HSF2BP: variants seen among roughly 807,000 people sequenced by gnomAD.
HSF2BP encodes heat shock factor 2-binding protein.
Under a neutral mutation model 35.0 loss-of-function variants are expected in HSF2BP, and 35 were observed. The ratio of observed to expected loss-of-function variants is 1.00; its 90% CI spans 0.76 to 1.32. The LOEUF (loss-of-function observed/expected upper bound fraction) is 1.32, where lower values mean the gene tolerates loss of function less well. Ranked by LOEUF, HSF2BP falls within the 40% of genes most tolerant of loss-of-function variation. The probability of loss-of-function intolerance (pLI) is 0.00; values close to 1 mark genes in which losing one functional copy is unlikely to be tolerated. For synonymous variants in HSF2BP, 114 were observed against 117.4 expected, an observed-to-expected ratio of 0.97 and a Z score of 0.18; for missense variants, 326 against 321.7, an observed-to-expected ratio of 1.01 and a Z score of -0.10.
chr21:43,648,712 A>T (rs373148748), intron 3 of HSF2BP, among the ~76,000 whole-genome samples: 35 of 152,284 alleles, frequency 2.3e-4, no homozygotes, highest in African/African-American at 7.9e-4. Context: ...TCAAGTTCTT[A>T]TTTCTACAGA....
Position 43,644,395 on chromosome 21 carries a change from AG to A in HSF2BP, c.188-4del. 6.2e-7 allele frequency: 1 copy of A among 1,609,100 alleles called. No individual in the cohort carries two copies. The highest frequency in any genetic ancestry group is 1.3e-5 in the African/African-American group (1 of 74,958). Reference sequence around the variant, plus strand: ...TTCTTGCTCTTTCCTTTCCAGGTCTAGGAGAAAGACATAAAATTACTCAAGA... The same window carrying A: ...TTCTTGCTCTTTCCTTTCCAGGTCTAGAGAAAGACATAAAATTACTCAAGA... On this transcript the variant is annotated splice_polypyrimidine_tract_variant and splice_region_variant and intron_variant, in intron 3 of 8. Transcript: ENST00000291560.
intron 3 of HSF2BP, among the ~76,000 whole-genome samples, chr21:43,649,098 A>G (rs910235638): frequency 2.6e-5 from 4 of 152,046 alleles, no homozygotes; most frequent in African/African-American, 7.2e-5. Context: ...TCTGTTGCCC[A>G]GGCTGGAGTG....
At chr21:43,588,767 A>C (rs1162522162) in intron 8 of HSF2BP, among the ~76,000 whole-genome samples, 1 of 152,180 alleles carries the variant, frequency 6.6e-6, no homozygotes, top group Admixed American at 6.5e-5. Flanking sequence ...GGCCCGTAAC[A>C]ACCAGCCTGA....
chr21:43,535,746 A>AAAT (rs1416131948), intron 8 of HSF2BP, among the ~76,000 whole-genome samples: 1 of 4,670 alleles, frequency 2.1e-4, no homozygotes, highest in Non-Finnish European at 4.0e-4. Flanking sequence ...AAATAAAATA[A>AAAT]AATAAAATAA....
At chr21:43,616,506 C>T (rs755118011) in intron 6 of HSF2BP, among the ~76,000 whole-genome samples, 4 of 152,076 alleles carry the variant, frequency 2.6e-5, no homozygotes, top group South Asian at 4.1e-4. Flanking sequence ...AGCCAGGCGT[C>T]GTGGCTTACA....
At chr21:43,573,990 C>T (rs1048604034) in intron 8 of HSF2BP, among the ~76,000 whole-genome samples, 4 of 152,154 alleles carry the variant, frequency 2.6e-5, no homozygotes, top group Non-Finnish European at 4.4e-5. Flanking sequence ...AAGACAGCCT[C>T]GAGGCCAAGC....
At chr21:43,612,478 C>T (rs908027492) in intron 7 of HSF2BP, among the ~76,000 whole-genome samples, 6 of 151,970 alleles carry the variant, frequency 3.9e-5, no homozygotes, top group African/African-American at 7.3e-5. Context: ...GGTGAAACCC[C>T]GTCTCTACTA....
chr21:43,656,945 A>T (rs990437724), intron 2 of HSF2BP, among the ~76,000 whole-genome samples: 2 of 152,242 alleles, frequency 1.3e-5, no homozygotes, highest in East Asian at 1.9e-4. Context: ...AGGGAGCCAG[A>T]TGTTAAAAAT....
intron 8 of HSF2BP, among the ~76,000 whole-genome samples, chr21:43,575,174 A>T (rs1186093299): frequency 6.6e-6 from 1 of 152,240 alleles, no homozygotes; most frequent in African/African-American, 2.4e-5. Flanking sequence ...CAGGATATTT[A>T]TATCACAGTT....
At chr21:43,606,348 T>C (rs1006708685) in intron 7 of HSF2BP, among the ~76,000 whole-genome samples, 12 of 152,046 alleles carry the variant, frequency 7.9e-5, no homozygotes, top group African/African-American at 2.7e-4. Context: ...TGATCCAAGG[T>C]TGAAAGCATC....
intron 3 of HSF2BP, among the ~76,000 whole-genome samples, chr21:43,645,897 GAAGA>G (rs759985207): frequency 6.6e-5 from 10 of 152,084 alleles, no homozygotes; most frequent in Non-Finnish European, 1.5e-4. Context: ...AAAAAGGAAG[GAAGA>G]AAGCAAGCTA....
Position 43,622,287 on chromosome 21 carries a change from G to A in HSF2BP, c.574+8035C>T, listed in dbSNP as rs76905897. 2.2e-3 allele frequency among the ~76,000 whole-genome samples: 339 copies of A among 152,174 alleles called. 3 individuals carry two copies. Among genetic ancestry groups the A allele is most frequent in the African/African-American group, 7.8e-3 (325 of 41,518 alleles). On this transcript the variant is annotated intron_variant, in intron 6 of 8. Transcript: ENST00000291560. ...AGAAGAGGAGTTACAAAACAACCAG[G>A]AAACAAGCAACAAATTAGCAGTAAT...
intron 8 of HSF2BP, among the ~76,000 whole-genome samples, chr21:43,574,653 A>G (rs958401560): frequency 1.3e-5 from 2 of 152,078 alleles, no homozygotes; most frequent in Admixed American, 6.5e-5. Flanking sequence ...CACTGCGCCC[A>G]GCCCTAAGCA....
At chr21:43,610,815 G>C (rs1289248261) in intron 7 of HSF2BP, among the ~76,000 whole-genome samples, 1 of 152,108 alleles carries the variant, frequency 6.6e-6, no homozygotes, top group African/African-American at 2.4e-5. Flanking sequence ...TTTCCTCTGG[G>C]AAAACTCCTG....
intron 7 of HSF2BP, among the ~76,000 whole-genome samples, chr21:43,611,256 T>A (rs565286802): frequency 7.3e-4 from 111 of 151,622 alleles, no homozygotes; most frequent in Non-Finnish European, 1.0e-3. Flanking sequence ...AAAAAAAAAA[T>A]TTTTTTTGCA....
At chr21:43,658,343 G>C in intron 1 of HSF2BP, 23 bp from the exon 2 acceptor site, 1 of 533,666 alleles carries the variant, frequency 1.9e-6, no homozygotes, top group Non-Finnish European at 3.3e-6. Flanking sequence ...AGGAAAGTCA[G>C]CCCCTGATGT....
intron 8 of HSF2BP, among the ~76,000 whole-genome samples, chr21:43,574,272 T>C (rs1417360475): frequency 6.6e-6 from 1 of 151,392 alleles, no homozygotes; most frequent in African/African-American, 2.4e-5. Flanking sequence ...CTGACTCCTC[T>C]GAAGACATCA....
chr21:43,646,985 G>A (rs1208698439), intron 3 of HSF2BP, among the ~76,000 whole-genome samples: 1 of 152,096 alleles, frequency 6.6e-6, no homozygotes, highest in East Asian at 1.9e-4. Context: ...CCCTCCAAAT[G>A]TCTATATGGA....
chr21:43,617,259 A>G (rs915480739), intron 6 of HSF2BP, among the ~76,000 whole-genome samples: 2 of 152,144 alleles, frequency 1.3e-5, no homozygotes, highest in African/African-American at 4.8e-5. Flanking sequence ...TGTATCTCAT[A>G]GCAAGCAACA....
Sources: gnomAD v4.1 joint callset for allele counts (sites outside exome capture counted in the v4.1 genomes callset) on GRCh38, gnomAD v4.1.1 for gene constraint, MANE v1.5 for transcripts, NCBI Gene and HGNC (gene_info 2026-07-23, HGNC 2026-07-21) for gene names.